The following ZNF274 variants were observed in gnomAD, a reference collection of about 807,000 sequenced individuals.
ZNF274 encodes neurotrophin receptor-interacting factor homolog.
Under a neutral mutation model 42.5 loss-of-function variants are expected in ZNF274, and 23 were observed. The observed-to-expected ratio is 0.54, with a 90% CI of 0.39 to 0.77. ZNF274 has a LOEUF of 0.77. Ranked by LOEUF, ZNF274 falls within the 30% of genes least tolerant of loss-of-function variation. ZNF274 has a pLI of 0.00. For missense variants in ZNF274, 679 were observed against 806.5 expected, an observed-to-expected ratio of 0.84 and a Z score of 1.91; for synonymous variants, 292 against 305.4, an observed-to-expected ratio of 0.96 and a Z score of 0.46.
At chr19:58,196,485 C>T (rs2075843918) in intron 4 of ZNF274, among the ~76,000 whole-genome samples, 1 of 151,988 alleles carries the variant, frequency 6.6e-6, no homozygotes, top group South Asian at 2.1e-4. Context: ...TGGCTTGAGC[C>T]TGGAAGGTGG....
At chr19:58,192,105 A>T (rs1392495576) in intron 4 of ZNF274, among the ~76,000 whole-genome samples, 3 of 152,218 alleles carry the variant, frequency 2.0e-5, no homozygotes, top group African/African-American at 7.2e-5. Context: ...GTCCGTGGAC[A>T]TATAGGATTG....
At chr19:58,185,650 CCT>C (rs767216525) in intron 2 of ZNF274, 60 bp from the exon 3 acceptor site, 2 of 1,379,500 alleles carry the variant, frequency 1.4e-6, no homozygotes, top group Non-Finnish European at 9.5e-7. Flanking sequence ...GTCAGCCTCC[CCT>C]GTCTTTCTTT....
At chr19:58,201,778 G>A (rs1432649853) in intron 4 of ZNF274, among the ~76,000 whole-genome samples, 1 of 152,140 alleles carries the variant, frequency 6.6e-6, no homozygotes, top group East Asian at 1.9e-4. Flanking sequence ...GCCTCCCAAA[G>A]TGCTGGGATT....
chr19:58,211,452 C>T lies in ZNF274; in HGVS notation c.853-108C>T. On this transcript the variant is annotated intron_variant, in intron 6 of 7. Coordinates refer to ENST00000617501, the MANE Select transcript of ZNF274 (RefSeq NM_133502.3). The surrounding 1 kb of genome is among the most constrained non-coding windows in gnomAD (Gnocchi z 4.8). ...GAGCAAATCCCCAAAGCAGGAGAGTCCCTAGCACCGTGAGCTCTGTCAGAA... is the reference window on the plus strand; with the variant it reads ...GAGCAAATCCCCAAAGCAGGAGAGTTCCTAGCACCGTGAGCTCTGTCAGAA... The T allele has an allele frequency of 7.0e-7, 1 of 1,420,696 alleles. No homozygotes were observed. The highest frequency in any genetic ancestry group is 9.5e-7 in the Non-Finnish European group (1 of 1,054,198). The allele number at this position is 1,420,696 out of a possible 1,614,324, so 88.0% of individuals were successfully genotyped here. A position where few individuals can be genotyped will look rare whatever the true frequency, so the allele number is the denominator to read the frequency against.
Position 58,210,017 on chromosome 19 carries a change from CAGCAGGAGGAGA to C in ZNF274, c.807_818del (p.Glu269_Glu272del), listed in dbSNP as rs1461129100. 4.3e-6 allele frequency: 7 copies of C among 1,613,688 alleles called. No homozygotes were observed. In the African/African-American group the frequency reaches 5.3e-5, roughly 12 times the overall value. On this transcript the variant is annotated inframe_deletion, in exon 6 of 8. Transcript: ENST00000617501. ...CACCTGCTGCCTCGAGGTCACTGCC[CAGCAGGAGGAGA>C]AGCAGGAGGATGCAGCCATCTGCCC...
At position 58,185,795 on chromosome 19, in the gene ZNF274, C is replaced by T; in HGVS notation, c.117C>T (p.Tyr39=). 1 of 1,436,526 alleles carries T rather than the reference C, an allele frequency of 7.0e-7. No homozygotes were observed. The highest frequency in any genetic ancestry group is 9.2e-7 in the Non-Finnish European group (1 of 1,085,338). 89.0% of individuals were successfully genotyped at this position (1,436,526 alleles called of 1,614,324 possible). A position where few individuals can be genotyped will look rare whatever the true frequency, so the allele number is the denominator to read the frequency against. The change falls in exon 3 of 8, where the codon TAC becomes TAT. Residue 39 remains tyrosine, a synonymous_variant. Coordinates refer to ENST00000617501, the MANE Select transcript of ZNF274 (RefSeq NM_133502.3). ...TGGACCTCAAACAGAAGTCCCTGTA[C>T]AGGGAAGTGATGCTGGAGAACTACA... The part of the protein sequence containing the change: ...GLLDLKQKSL[Y]REVMLENYRN...
At position 58,211,625 on chromosome 19, in the gene ZNF274, G is replaced by A. The variant is rs113293561; in HGVS notation, c.918G>A (p.Pro306=). The A allele has an allele frequency of 7.1e-3, 11,502 of 1,613,794 alleles. 63 individuals are homozygous for A. The highest frequency in any genetic ancestry group is 8.7e-3 in the Non-Finnish European group (10,260 of 1,179,800). ...GGGAGGAGTGGGGGCTGCTGGGCCC[G>A]ACACAGAGGACCGAGTACCGCGATG... The part of the protein sequence containing the change: ...FSREEWGLLG[P]TQRTEYRDVM... Residue 306 remains proline, a synonymous_variant, in exon 7 of 8, where the codon CCG becomes CCA. Transcript: ENST00000617501. This position sits in a 1 kb window ranked among gnomAD's most constrained non-coding sequence, Gnocchi z 4.8.
chr19:58,198,997 C>G (rs571943809), intron 4 of ZNF274, among the ~76,000 whole-genome samples: 2 of 151,902 alleles, frequency 1.3e-5, no homozygotes, highest in South Asian at 4.2e-4. Flanking sequence ...GGCAGCATAG[C>G]AATTCCTGGT....
chr19:58,211,554 T>C lies in ZNF274; in HGVS notation c.853-6T>C, dbSNP rs759060789. On this transcript the variant is annotated splice_region_variant and splice_polypyrimidine_tract_variant and intron_variant, in intron 6 of 7. Coordinates refer to ENST00000617501, the MANE Select transcript of ZNF274 (RefSeq NM_133502.3). The surrounding 1 kb of genome is among the most constrained non-coding windows in gnomAD (Gnocchi z 4.8). ...GCTGAGCATAGACACATATGTGATG[T>C]TACAGGAGCCAGTGACCTTCCAGGA... 47 of 1,610,996 alleles carry C rather than the reference T, an allele frequency of 2.9e-5. No homozygotes were observed. Among genetic ancestry groups the C allele is most frequent in the Non-Finnish European group, 3.7e-5 (44 of 1,178,164 alleles).
intron 4 of ZNF274, among the ~76,000 whole-genome samples, chr19:58,200,470 G>C (rs1433288530): frequency 2.0e-5 from 3 of 152,176 alleles, no homozygotes; most frequent in Non-Finnish European, 2.9e-5. Context: ...ATACATTGGT[G>C]GGGGACAAGC....
intron 4 of ZNF274, among the ~76,000 whole-genome samples, chr19:58,204,741 C>T (rs988816339): frequency 1.3e-5 from 2 of 152,130 alleles, no homozygotes; most frequent in African/African-American, 2.4e-5. Flanking sequence ...CAACACTACC[C>T]GTTCTTCCAG....
At chr19:58,210,526 G>A (rs2076027770) in intron 6 of ZNF274, 1 of 159,886 alleles carries the variant, frequency 6.3e-6, no homozygotes. Flanking sequence ...CACTGGGGTA[G>A]TGGTATGTAT....
At position 58,212,919 on chromosome 19, in the gene ZNF274, C is replaced by T. The variant is rs1469498905; in HGVS notation, c.1738C>T (p.Gln580Ter). Residue 580 changes from glutamine (Q) to a stop codon, truncating the protein, a stop_gained, in exon 8 of 8, where the codon CAG becomes TAG. Transcript: ENST00000617501. LOFTEE classifies it high-confidence loss of function. The surrounding 1 kb of genome is among the most constrained non-coding windows in gnomAD (Gnocchi z 4.6). ...CTTCAATGATCGCTCAGCCATCTCC[C>T]AGCACCTGAGGACTCACACTGGCGC... ...RTFNDRSAIS[Q>*]HLRTHTGAKP... The T allele has an allele frequency of 1.2e-6, 2 of 1,614,002 alleles. No individual in the cohort carries two copies. Among genetic ancestry groups the T allele is most frequent in the South Asian group, 1.1e-5 (1 of 91,082 alleles).
chr19:58,193,362 G>A (rs1320377135), intron 4 of ZNF274, among the ~76,000 whole-genome samples: 4 of 150,504 alleles, frequency 2.7e-5, no homozygotes, highest in African/African-American at 9.8e-5. Flanking sequence ...TAGCCAGGAT[G>A]GTTTCGATCT....
intron 4 of ZNF274, among the ~76,000 whole-genome samples, chr19:58,193,367 C>T (rs1178265270): frequency 2.0e-5 from 3 of 148,656 alleles, no homozygotes; most frequent in Admixed American, 1.3e-4. Flanking sequence ...AGGATGGTTT[C>T]GATCTCCTGA....
Position 58,212,144 on chromosome 19 carries a change from T to C in ZNF274, c.980-17T>C, listed in dbSNP as rs745707506. ...CATCTCTCTATGGGATCCACATCTT[T>C]TGTTTATTTTTTTCAGGGTGGGAGA... On this transcript the variant is annotated splice_polypyrimidine_tract_variant and intron_variant, in intron 7 of 7. Transcript: ENST00000617501. The surrounding 1 kb of genome is among the most constrained non-coding windows in gnomAD (Gnocchi z 4.6). 1.9e-6 allele frequency: 3 copies of C among 1,585,264 alleles called. No individual in the cohort carries two copies. The highest frequency in any genetic ancestry group is 2.6e-6 in the Non-Finnish European group (3 of 1,171,952).
chr19:58,183,143 T>C lies in ZNF274; in HGVS notation c.-345T>C, dbSNP rs1301811094. 2 of 152,444 alleles carry C rather than the reference T, an allele frequency of 1.3e-5. No individual in the cohort carries two copies. The highest frequency in any genetic ancestry group is 2.9e-5 in the Non-Finnish European group (2 of 68,216). The allele number at this position is 152,444 out of a possible 1,614,324, so 9.4% of individuals were successfully genotyped here. A position where few individuals can be genotyped will look rare whatever the true frequency, so the allele number is the denominator to read the frequency against. On this transcript the variant is annotated 5_prime_UTR_variant, in exon 1 of 8. Transcript: ENST00000617501. ...TCTGCCCCAAGAGTGGTCGCCTTCG[T>C]GGCAGGGCACGACTCTCTCCCAGCT...
intron 4 of ZNF274, among the ~76,000 whole-genome samples, chr19:58,188,270 A>G (rs1269252498): frequency 6.6e-6 from 1 of 151,612 alleles, no homozygotes; most frequent in Non-Finnish European, 1.5e-5. Context: ...CACACCTGTA[A>G]TCCCAGCACT....
chr19:58,188,694 GTATATATATATA>G (rs71925177), intron 4 of ZNF274, among the ~76,000 whole-genome samples: 923 of 74,654 alleles, frequency 0.012, 35 homozygotes, highest in African/African-American at 0.046. Context: ...ATATGTATAT[GTATATATATATA>G]TATATATATA....
Sources: allele counts gnomAD v4.1 joint callset (sites outside exome capture counted in the v4.1 genomes callset), GRCh38; gene constraint gnomAD v4.1.1; non-coding constraint Gnocchi (gnomAD v3.1); transcripts MANE v1.5; gene names NCBI Gene and HGNC (gene_info 2026-07-23, HGNC 2026-07-21).